Variants in FANK1 observed in about 807,000 individuals in gnomAD.
The protein encoded by FANK1 is fibronectin type III and ankyrin repeat domains 1.
In FANK1, 44 loss-of-function variants were observed where a neutral mutation model predicts 45.3. That is an observed-to-expected ratio of 0.97 (90% CI 0.76 to 1.25). FANK1 has a LOEUF of 1.25. FANK1 is among the 50% of genes most tolerant of loss of function. The probability of loss-of-function intolerance (pLI) is 0.00; values close to 1 mark genes in which losing one functional copy is unlikely to be tolerated. For missense variants in FANK1, 391 were observed against 424.4 expected (o/e 0.92, Z 0.69); for synonymous variants, 149 against 152.5 (o/e 0.98, Z 0.17).
intron 6 of FANK1, among the ~76,000 whole-genome samples, chr10:126,003,138 C>T (rs1181180237): frequency 2.0e-5 from 3 of 147,956 alleles, no homozygotes; most frequent in Admixed American, 1.3e-4. Context: ...AGCAGTGACT[C>T]TTTGAGGAGA....
At position 125,989,445 on chromosome 10, in the gene FANK1, G is replaced by A; in HGVS notation, c.316+770G>A. 2 of 1,281,144 alleles carry A rather than the reference G, an allele frequency of 1.6e-6. 1 individual carries two copies. Among genetic ancestry groups the A allele is most frequent in the South Asian group, 2.5e-5 (2 of 78,642 alleles). The allele number at this position is 1,281,144 out of a possible 1,614,324, so 79.4% of individuals were successfully genotyped here. ...TTTATTCCAGGTAGCATTTGGCTTG[G>A]AGGTATGTGCTTTCCATGGCTTTCA... is the stretch of plus-strand genomic sequence containing the variant. On this transcript the variant is annotated intron_variant, in intron 3 of 10. Coordinates refer to ENST00000368693, the MANE Select transcript of FANK1 (RefSeq NM_145235.5).
At chr10:125,934,635 A>T (rs10160068) in intron 1 of FANK1, among the ~76,000 whole-genome samples, 44,895 of 148,454 alleles carry the variant, frequency 0.3, 6,955 homozygotes, top group East Asian at 0.46. Flanking sequence ...AGCCGCTGCC[A>T]TTTATTTAGC....
At position 126,009,040 on chromosome 10, in the gene FANK1, G is replaced by A; in HGVS notation, c.850-14G>A. On this transcript the variant is annotated splice_polypyrimidine_tract_variant and intron_variant, in intron 8 of 10. Coordinates refer to ENST00000368693, the MANE Select transcript of FANK1 (RefSeq NM_145235.5). ...GAGAAGCTCATGCACACCACCCTGG[G>A]TTTTGTTTTCTAGGTGGCTGTGTTA... is the stretch of plus-strand genomic sequence containing the variant. The A allele has an allele frequency of 3.1e-6, 5 of 1,613,626 alleles. No homozygotes were observed. In the South Asian group the frequency reaches 3.3e-5, roughly 11 times the overall value.
chr10:125,931,510 G>T (rs1404152925), intron 1 of FANK1, among the ~76,000 whole-genome samples: 1 of 152,106 alleles, frequency 6.6e-6, no homozygotes, highest in East Asian at 1.9e-4. Flanking sequence ...CCATTTGTAT[G>T]TCTTCTTTTG....
intron 1 of FANK1, among the ~76,000 whole-genome samples, chr10:125,968,317 C>T (rs1414796903): frequency 2.6e-5 from 4 of 152,188 alleles, no homozygotes; most frequent in East Asian, 1.9e-4. Flanking sequence ...CCATGATAAA[C>T]TGCTTTGAGG....
chr10:125,987,119 T>C (rs1280294255), intron 2 of FANK1, among the ~76,000 whole-genome samples: 1 of 152,046 alleles, frequency 6.6e-6, no homozygotes, highest in African/African-American at 2.4e-5. Flanking sequence ...TTCTTCACTG[T>C]CCTTGACTGC....
rs78603858 is a variant in FANK1, at chr10:125,956,410, T to C, written c.14-23751T>C. 7.8e-4 allele frequency among the ~76,000 whole-genome samples: 119 copies of C among 152,310 alleles called. No individual in the cohort carries two copies. In the East Asian group the frequency reaches 0.021, roughly 27 times the overall value. ...TCTAATGTTAAGCCTCCAAATATAA[T>C]GCAAGTTATATTGGTATAGAAAATG... On this transcript the variant is annotated intron_variant, in intron 1 of 10. Transcript: ENST00000368693.
chr10:125,918,766 T>TAAA lies in FANK1; in HGVS notation c.13+22111_13+22112insAAA, dbSNP rs1233400648. Among the ~76,000 whole-genome samples the TAAA allele has an allele frequency of 3.1e-4, 47 of 151,470 alleles. No individual in the cohort carries two copies. The South Asian group carries it at 9.6e-3, about 31-fold the overall frequency. On this transcript the variant is annotated intron_variant, in intron 1 of 10. Coordinates refer to ENST00000368693, the MANE Select transcript of FANK1 (RefSeq NM_145235.5). Reference sequence around the variant, plus strand: ...GGTTCACAGATGAGGAAACTGAGGCTCAGAAAGATTATTTATTTGAAGTCT... The same window carrying TAAA: ...GGTTCACAGATGAGGAAACTGAGGCTAAACAGAAAGATTATTTATTTGAAGTCT...
At position 125,997,454 on chromosome 10, in the gene FANK1, G is replaced by T; in HGVS notation, c.508G>T (p.Val170Leu). ...AATCCTAGTTTCTAATGGCACAGAC[G>T]TGAATCTGAAGAATGGAAGTGGCAA... Reference protein sequence around the residue: ...VKILVSNGTDVNLKNGSGKDS... With the variant: ...VKILVSNGTDLNLKNGSGKDS... The change falls in exon 6 of 11, where the codon GTG (valine) becomes TTG (leucine). Residue 170 changes from valine (V) to leucine (L), a missense_variant. Physicochemically the swap from Val to Leu is conservative, Grantham distance 32 (BLOSUM62 1). Coordinates refer to ENST00000368693, the MANE Select transcript of FANK1 (RefSeq NM_145235.5). The T allele has an allele frequency of 6.2e-7, 1 of 1,613,934 alleles. No individual in the cohort carries two copies. Among genetic ancestry groups the T allele is most frequent in the Non-Finnish European group, 8.5e-7 (1 of 1,179,904 alleles).
chr10:125,946,632 T>C (rs974493758), intron 1 of FANK1, among the ~76,000 whole-genome samples: 7 of 150,728 alleles, frequency 4.6e-5, no homozygotes, highest in African/African-American at 1.7e-4. Flanking sequence ...CTACGTCTGA[T>C]TGGTGTACCT....
chr10:125,910,731 G>A (rs1483267475), intron 1 of FANK1, among the ~76,000 whole-genome samples: 1 of 152,204 alleles, frequency 6.6e-6, no homozygotes, highest in Non-Finnish European at 1.5e-5. Flanking sequence ...TATTGTGATA[G>A]GCTGAATAAA....
At chr10:125,920,339 G>C (rs1193057444) in intron 1 of FANK1, among the ~76,000 whole-genome samples, 8 of 152,140 alleles carry the variant, frequency 5.3e-5, no homozygotes, top group African/African-American at 1.7e-4. Flanking sequence ...AGCTCTTCTA[G>C]AAGTTAGAAG....
intron 1 of FANK1, among the ~76,000 whole-genome samples, chr10:125,966,012 C>T (rs1950185358): frequency 6.6e-6 from 1 of 152,202 alleles, no homozygotes; most frequent in African/African-American, 2.4e-5. Context: ...GGACAGGTAT[C>T]CTTACTTATC....
At chr10:125,902,816 C>A (rs1326480141) in intron 1 of FANK1, among the ~76,000 whole-genome samples, 49 of 152,416 alleles carry the variant, frequency 3.2e-4, no homozygotes, top group Middle Eastern at 6.8e-3. Flanking sequence ...TAATTTTTTC[C>A]TTAAGCCCAG....
At chr10:125,954,805 C>G (rs946324861) in intron 1 of FANK1, among the ~76,000 whole-genome samples, 1 of 152,076 alleles carries the variant, frequency 6.6e-6, no homozygotes, top group African/African-American at 2.4e-5. Flanking sequence ...CTGTAGTCTT[C>G]AGCTACTTGG....
At chr10:125,925,704 T>A (rs10794040) in intron 1 of FANK1, among the ~76,000 whole-genome samples, 56,709 of 152,002 alleles carry the variant, frequency 0.37, 11,059 homozygotes, top group Non-Finnish European at 0.44. Context: ...GCTCCTCTGA[T>A]ACGTATTTTA....
intron 3 of FANK1, chr10:125,994,456 A>G (rs10736868): frequency 0.67 from 662,542 of 984,848 alleles, 224,322 homozygotes; most frequent in East Asian, 0.78. Flanking sequence ...CCGTTTGCGG[A>G]TGAGGGGCTG....
intron 1 of FANK1, among the ~76,000 whole-genome samples, chr10:125,955,369 C>T (rs1949513104): frequency 1.3e-5 from 2 of 152,126 alleles, no homozygotes; most frequent in South Asian, 4.1e-4. Flanking sequence ...TTTTCTGTTC[C>T]TCCATTAGTT....
intron 1 of FANK1, among the ~76,000 whole-genome samples, chr10:125,962,737 T>C (rs1949997815): frequency 1.3e-5 from 2 of 152,174 alleles, no homozygotes; most frequent in Admixed American, 6.5e-5. Context: ...AATTGTGTCA[T>C]AGATGTCATT....
Sources: gnomAD v4.1 joint callset for allele counts (sites outside exome capture counted in the v4.1 genomes callset) on GRCh38, gnomAD v4.1.1 for gene constraint, MANE v1.5 for transcripts, NCBI Gene and HGNC (gene_info 2026-07-23, HGNC 2026-07-21) for gene names.